The following PRKCA variants were observed in gnomAD, a reference collection of about 807,000 sequenced individuals.
PRKCA encodes protein kinase C alpha.
Under a neutral mutation model 87.0 loss-of-function variants are expected in PRKCA, and 27 were observed. The observed-to-expected ratio is 0.31, with a 90% confidence interval of 0.23 to 0.43. The LOEUF (loss-of-function observed/expected upper bound fraction) is 0.43, where lower values mean the gene tolerates loss of function less well. PRKCA is among the 20% of genes least tolerant of loss of function. PRKCA has a pLI of 1.00. For missense variants in PRKCA, 518 were observed against 852.3 expected (o/e 0.61, Z 4.88); for synonymous variants, 329 against 311.1 (o/e 1.06, Z -0.61).
intron 3 of PRKCA, among the ~76,000 whole-genome samples, chr17:66,510,754 A>AT (rs149292117): frequency 3.3e-5 from 5 of 151,112 alleles, no homozygotes; most frequent in African/African-American, 7.3e-5. Flanking sequence ...TAATTTTATT[A>AT]TTTTTTTTTG....
chr17:66,749,478 C>T (rs1974382507), intron 13 of PRKCA, among the ~76,000 whole-genome samples: 1 of 152,222 alleles, frequency 6.6e-6, no homozygotes, highest in Admixed American at 6.5e-5. Context: ...TTTGAACCTG[C>T]AAACCTCCAG....
intron 13 of PRKCA, among the ~76,000 whole-genome samples, chr17:66,771,995 A>C (rs1974944499): frequency 6.6e-6 from 1 of 152,208 alleles, no homozygotes; most frequent in Non-Finnish European, 1.5e-5. Flanking sequence ...GATTATTTTT[A>C]ACAGAATGGT....
chr17:66,347,646 A>G (rs11651772), intron 2 of PRKCA, among the ~76,000 whole-genome samples: 1 of 152,178 alleles, frequency 6.6e-6, no homozygotes, highest in South Asian at 2.1e-4. Flanking sequence ...CAAAAAAGTC[A>G]CAATTATTAG....
chr17:66,546,337 G>A (rs1968143802), intron 3 of PRKCA, among the ~76,000 whole-genome samples: 1 of 152,092 alleles, frequency 6.6e-6, no homozygotes. Flanking sequence ...TAGTTTCTAA[G>A]GCTGCCATAA....
intron 2 of PRKCA, among the ~76,000 whole-genome samples, chr17:66,444,203 C>T (rs975798445): frequency 6.6e-6 from 1 of 152,134 alleles, no homozygotes; most frequent in African/African-American, 2.4e-5. Context: ...GCTGAGGGCT[C>T]CCTGGGTGCT....
At chr17:66,399,130 G>A (rs1910866254) in intron 2 of PRKCA, among the ~76,000 whole-genome samples, 2 of 141,016 alleles carry the variant, frequency 1.4e-5, no homozygotes, top group Middle Eastern at 3.9e-3. Flanking sequence ...ACAGGGCCTT[G>A]CTCTGTCTTC....
chr17:66,359,369 A>C (rs1169288573), intron 2 of PRKCA, among the ~76,000 whole-genome samples: 1 of 152,198 alleles, frequency 6.6e-6, no homozygotes, highest in Admixed American at 6.5e-5. Flanking sequence ...TTCTTAAAAA[A>C]AATTATCAGT....
intron 3 of PRKCA, among the ~76,000 whole-genome samples, chr17:66,631,299 T>G (rs2143747787): frequency 6.6e-6 from 1 of 152,340 alleles, no homozygotes; most frequent in South Asian, 2.1e-4. Context: ...AATAATTTTT[T>G]TTAGGCAAAA....
At chr17:66,603,196 A>G (rs1970105198) in intron 3 of PRKCA, among the ~76,000 whole-genome samples, 1 of 152,144 alleles carries the variant, frequency 6.6e-6, no homozygotes, top group Admixed American at 6.5e-5. Flanking sequence ...GCATAAATGG[A>G]TCACTGGAGG....
At chr17:66,454,816 C>T (rs1051841801) in intron 2 of PRKCA, among the ~76,000 whole-genome samples, 3 of 152,192 alleles carry the variant, frequency 2.0e-5, no homozygotes, top group East Asian at 1.9e-4. Flanking sequence ...ACAGCTAAAC[C>T]GTATCAGTAG....
intron 5 of PRKCA, among the ~76,000 whole-genome samples, chr17:66,663,119 A>T (rs1971951906): frequency 6.6e-6 from 1 of 152,232 alleles, no homozygotes. Flanking sequence ...CCTTCCAGGC[A>T]AGGAAGCCGA....
intron 2 of PRKCA, among the ~76,000 whole-genome samples, chr17:66,466,050 G>A (rs1168789111): frequency 2.6e-5 from 4 of 152,098 alleles, no homozygotes; most frequent in Non-Finnish European, 5.9e-5. Context: ...CCATTATATT[G>A]AGAAGAAACA....
intron 3 of PRKCA, among the ~76,000 whole-genome samples, chr17:66,634,243 T>C (rs1407357550): frequency 6.6e-6 from 1 of 152,258 alleles, no homozygotes; most frequent in Non-Finnish European, 1.5e-5. Flanking sequence ...GATTTGTAGG[T>C]TAGACTTTAT....
intron 2 of PRKCA, among the ~76,000 whole-genome samples, chr17:66,468,489 G>A (rs1161947310): frequency 6.6e-6 from 1 of 152,092 alleles, no homozygotes; most frequent in Non-Finnish European, 1.5e-5. Flanking sequence ...TTTTCCTAAG[G>A]TCCAACCCTA....
chr17:66,528,945 C>G (rs909045703), intron 3 of PRKCA, among the ~76,000 whole-genome samples: 1 of 152,186 alleles, frequency 6.6e-6, no homozygotes, highest in Admixed American at 6.5e-5. Context: ...CATTCAAGTA[C>G]AAATGATGAA....
chr17:66,305,043 C>T (rs1259941454), intron 1 of PRKCA, among the ~76,000 whole-genome samples: 1 of 152,146 alleles, frequency 6.6e-6, no homozygotes, highest in Non-Finnish European at 1.5e-5. Flanking sequence ...AAGAGGCGCT[C>T]AGGTCACCAC....
In PRKCA at chr17:66,310,053, C is replaced by T. The variant is rs758525508; in HGVS notation, c.205+3926C>T. On this transcript the variant is annotated intron_variant, in intron 2 of 16. Coordinates refer to ENST00000413366, the MANE Select transcript of PRKCA (RefSeq NM_002737.3). ...TACTGGAAAAGGGAAAGAGCCAACT[C>T]GATTTTTTTCCCCCTCCTTAGGCGG... is the stretch of plus-strand genomic sequence containing the variant. 3.6e-4 allele frequency among the ~76,000 whole-genome samples: 54 copies of T among 152,086 alleles called. No individual in the cohort carries two copies. In the Middle Eastern group the frequency reaches 0.021, roughly 59 times the overall value.
At chr17:66,449,921 A>G (rs991137500) in intron 2 of PRKCA, among the ~76,000 whole-genome samples, 1 of 151,866 alleles carries the variant, frequency 6.6e-6, no homozygotes, top group Admixed American at 6.6e-5. Flanking sequence ...AGCAGCCTAT[A>G]TTGTACACGT....
At chr17:66,663,269 C>G (rs1337440590) in intron 5 of PRKCA, among the ~76,000 whole-genome samples, 1 of 152,214 alleles carries the variant, frequency 6.6e-6, no homozygotes, top group East Asian at 1.9e-4. Flanking sequence ...GACGTCGTCT[C>G]TTAGGGTGAT....
Sources: gnomAD v4.1 joint callset for allele counts (sites outside exome capture counted in the v4.1 genomes callset) on GRCh38, gnomAD v4.1.1 for gene constraint, MANE v1.5 for transcripts, NCBI Gene and HGNC (gene_info 2026-07-23, HGNC 2026-07-21) for gene names.